Variants in TFEC observed in about 807,000 individuals in gnomAD.
TFEC encodes class E basic helix-loop-helix protein 34.
In TFEC, 31 loss-of-function variants were observed where a neutral mutation model predicts 41.6. The ratio of observed to expected loss-of-function variants is 0.74; its 90% CI spans 0.56 to 1.01. The LOEUF is 1.01. Among genes scored for constraint, TFEC ranks in the 50% least tolerant of loss-of-function variants. The pLI is 0.00. For synonymous variants in TFEC, 143 were observed against 140.6 expected (o/e 1.02, Z -0.12); for missense variants, 402 against 404.1 (o/e 0.99, Z 0.04).
At position 116,142,654 on chromosome 7, in the gene TFEC, G is replaced by C. The variant is rs1464787628; in HGVS notation, c.-69+17136C>G. Among the ~76,000 whole-genome samples, 4 of 152,110 alleles carry C rather than the reference G, an allele frequency of 2.6e-5. No homozygotes were observed. The East Asian group carries it at 7.7e-4, about 29-fold the overall frequency. On this transcript the variant is annotated intron_variant, in intron 1 of 8. Coordinates refer to the TFEC transcript ENST00000484212. The stretch of plus-strand genomic sequence containing the variant: ...TAAGGTGCTTTTTCTCATGTGCCCA[G>C]AGGGTCAAAGAAAGCCAGGCTATGA...
intron 3 of TFEC, among the ~76,000 whole-genome samples, chr7:116,048,486 A>C (rs183063087): frequency 6.6e-6 from 1 of 152,380 alleles, no homozygotes; most frequent in African/African-American, 2.4e-5. Flanking sequence ...TCACATGAAA[A>C]GACCAAATCT....
At chr7:116,154,654 T>C (rs1584580905) in intron 1 of TFEC, among the ~76,000 whole-genome samples, 1 of 152,190 alleles carries the variant, frequency 6.6e-6, no homozygotes, top group Non-Finnish European at 1.5e-5. Context: ...CTTTAAGATA[T>C]TAAGTATTAA....
intron 3 of TFEC, among the ~76,000 whole-genome samples, chr7:116,093,573 T>C (rs898888243): frequency 6.6e-6 from 1 of 152,156 alleles, no homozygotes; most frequent in East Asian, 1.9e-4. Flanking sequence ...TTTTGTTTAA[T>C]TTTATCACTT....
intron 1 of TFEC, among the ~76,000 whole-genome samples, chr7:116,007,046 T>G (rs1272763044): frequency 6.6e-6 from 1 of 152,320 alleles, no homozygotes; most frequent in Non-Finnish European, 1.5e-5. Flanking sequence ...AATTTCCCAG[T>G]GTTGGGTGTG....
At chr7:115,946,396 CGTGTGTGTGT>C (rs3028673) in intron 6 of TFEC, among the ~76,000 whole-genome samples, 18 of 123,074 alleles carry the variant, frequency 1.5e-4, no homozygotes, top group East Asian at 1.0e-3. Flanking sequence ...AGAAACATAA[CGTGTGTGTGT>C]GTGTGTGTGT....
At chr7:116,078,931 A>G (rs117864576) in intron 3 of TFEC, among the ~76,000 whole-genome samples, 3,243 of 152,210 alleles carry the variant, frequency 0.021, 50 homozygotes, top group Non-Finnish European at 0.035. Context: ...AAAATCCTCA[A>G]CATAATACAA....
intron 1 of TFEC, among the ~76,000 whole-genome samples, chr7:115,994,298 A>T (rs1794259911): frequency 6.6e-6 from 1 of 152,198 alleles, no homozygotes; most frequent in African/African-American, 2.4e-5. Flanking sequence ...AGGCATGGGC[A>T]AGGACTTCAT....
intron 1 of TFEC, among the ~76,000 whole-genome samples, chr7:116,115,942 T>C (rs1797978358): frequency 2.0e-5 from 3 of 151,922 alleles, no homozygotes; most frequent in African/African-American, 7.2e-5. Context: ...ATTTTTCTGA[T>C]GAGAAAGCTG....
At position 115,937,984 on chromosome 7, in the gene TFEC, A is replaced by C. The variant is rs1044131090; in HGVS notation, c.*2567T>G. 5 of 151,908 alleles carry C rather than the reference A, an allele frequency of 3.3e-5. No individual in the cohort carries two copies. Among genetic ancestry groups the C allele is most frequent in the Non-Finnish European group, 5.9e-5 (4 of 67,852 alleles). The allele number at this position is 151,908 out of a possible 1,614,324, so 9.4% of individuals were successfully genotyped here. On this transcript the variant is annotated 3_prime_UTR_variant, in exon 8 of 8. Transcript: ENST00000265440. ...TTAATGTATTTCAGTTGACCGGGAC[A>C]CAGCATAACTCTTTACTCTCTTTAA...
At chr7:116,134,377 A>G (rs962023580) in intron 1 of TFEC, among the ~76,000 whole-genome samples, 3 of 152,268 alleles carry the variant, frequency 2.0e-5, no homozygotes, top group Non-Finnish European at 4.4e-5. Context: ...AATGTATACC[A>G]TATATTGCTG....
At position 115,935,534 on chromosome 7, in the gene TFEC, G is replaced by A. The variant is rs1041529747; in HGVS notation, c.*5017C>T. The A allele has an allele frequency of 4.0e-5, 6 of 151,784 alleles. No homozygotes were observed. The highest frequency in any genetic ancestry group is 4.1e-4 in the South Asian group (2 of 4,822). The allele number at this position is 151,784 out of a possible 1,614,324, so 9.4% of individuals were successfully genotyped here. A position where few individuals can be genotyped will look rare whatever the true frequency, so the allele number is the denominator to read the frequency against. The stretch of plus-strand genomic sequence containing the variant: ...CTGTTAGATAAGATTCTTGAATTTC[G>A]TTTGCTTTTAAAATTCAGTATCATA... On this transcript the variant is annotated 3_prime_UTR_variant, in exon 8 of 8. Transcript: ENST00000265440.
chr7:115,961,510 T>C (rs1163288432), intron 3 of TFEC, among the ~76,000 whole-genome samples: 2 of 151,142 alleles, frequency 1.3e-5, no homozygotes, highest in Non-Finnish European at 3.0e-5. Context: ...AAAGGGGAAA[T>C]AACCAAATAA....
At chr7:116,093,359 C>T (rs547089551) in intron 3 of TFEC, among the ~76,000 whole-genome samples, 1 of 152,092 alleles carries the variant, frequency 6.6e-6, no homozygotes, top group East Asian at 1.9e-4. Context: ...AAAGAAGGAT[C>T]ATAAAGGCAC....
chr7:116,002,585 A>G (rs61685286), intron 1 of TFEC, among the ~76,000 whole-genome samples: 2 of 152,320 alleles, frequency 1.3e-5, no homozygotes, highest in East Asian at 1.9e-4. Context: ...CATTAGATAT[A>G]ATGAATAAGA....
intron 3 of TFEC, among the ~76,000 whole-genome samples, chr7:116,046,456 G>A (rs1796167191): frequency 6.6e-6 from 1 of 152,072 alleles, no homozygotes; most frequent in Non-Finnish European, 1.5e-5. Flanking sequence ...ATCTCTTGCT[G>A]CGTTTCCCCT....
At chr7:115,995,148 G>T (rs1347864113) in intron 1 of TFEC, among the ~76,000 whole-genome samples, 1 of 147,068 alleles carries the variant, frequency 6.8e-6, no homozygotes, top group Non-Finnish European at 1.5e-5. Flanking sequence ...ATTGAACAAT[G>T]AGAACACTTG....
chr7:116,013,480 C>T (rs532929814), intron 1 of TFEC, among the ~76,000 whole-genome samples: 1 of 152,228 alleles, frequency 6.6e-6, no homozygotes, highest in Non-Finnish European at 1.5e-5. Flanking sequence ...CATGGACTAA[C>T]TGAAAGCTTC....
chr7:116,116,841 G>A (rs201367752), intron 1 of TFEC, among the ~76,000 whole-genome samples: 3 of 109,490 alleles, frequency 2.7e-5, no homozygotes, highest in African/African-American at 1.0e-4. Flanking sequence ...CTTATCACTA[G>A]TCACAGGAAG....
At chr7:116,108,704 A>G (rs1048688067) in intron 3 of TFEC, among the ~76,000 whole-genome samples, 26 of 152,140 alleles carry the variant, frequency 1.7e-4, no homozygotes, top group Admixed American at 1.2e-3. Flanking sequence ...TTTGCTTTCA[A>G]AGTTACCTAC....
Sources: allele counts gnomAD v4.1 joint callset (sites outside exome capture counted in the v4.1 genomes callset), GRCh38; gene constraint gnomAD v4.1.1; transcripts MANE v1.5; gene names NCBI Gene and HGNC (gene_info 2026-07-23, HGNC 2026-07-21).